COL4A2: variants seen among roughly 807,000 people sequenced by gnomAD.
COL4A2 encodes collagen alpha-2(IV) chain.
In COL4A2, 99 loss-of-function variants were observed where a neutral mutation model predicts 200.2. The ratio of observed to expected loss-of-function variants is 0.49; its 90% confidence interval spans 0.42 to 0.58. The LOEUF (loss-of-function observed/expected upper bound fraction) is 0.58, where lower values mean the gene tolerates loss of function less well. Ranked by LOEUF, COL4A2 falls within the 20% of genes least tolerant of loss-of-function variation. The pLI, the probability that COL4A2 is intolerant of heterozygous loss-of-function variation, is 0.00. For missense variants in COL4A2, 1,950 were observed against 2,314.1 expected (o/e 0.84, Z 3.23); for synonymous variants, 897 against 900.6 (o/e 1.00, Z 0.07).
chr13:110,424,062 G>A (rs545819202), intron 4 of COL4A2, among the ~76,000 whole-genome samples: 25 of 152,218 alleles, frequency 1.6e-4, no homozygotes, highest in African/African-American at 5.3e-4. Flanking sequence ...TGGAATCGTG[G>A]GATCCCGTAG....
intron 4 of COL4A2, among the ~76,000 whole-genome samples, chr13:110,384,555 C>T (rs1878609181): frequency 6.6e-6 from 1 of 152,194 alleles, no homozygotes. Flanking sequence ...TAATATTACT[C>T]CCAATTCCCT....
chr13:110,430,097 C>T, intron 8 of COL4A2, 141 bp downstream of exon 8: 1 of 839,106 alleles, frequency 1.2e-6, no homozygotes. Flanking sequence ...ATCTAAAAGT[C>T]ATCTTACTTC....
At chr13:110,348,389 A>G (rs1005641768) in intron 3 of COL4A2, among the ~76,000 whole-genome samples, 1 of 152,178 alleles carries the variant, frequency 6.6e-6, no homozygotes, top group African/African-American at 2.4e-5. Context: ...TAGAAGAAGG[A>G]TTTGTGCTGG....
intron 40 of COL4A2, among the ~76,000 whole-genome samples, chr13:110,498,264 G>A (rs1392715237): frequency 6.6e-6 from 1 of 152,224 alleles, no homozygotes; most frequent in Non-Finnish European, 1.5e-5. Flanking sequence ...CAGGAGGCCA[G>A]CAATAAATGT....
chr13:110,440,286 G>T (rs1232220108), intron 16 of COL4A2, among the ~76,000 whole-genome samples: 1 of 152,042 alleles, frequency 6.6e-6, no homozygotes, highest in African/African-American at 2.4e-5. Context: ...TTTTTTAGGA[G>T]AAAAATGTTA....
intron 46 of COL4A2, among the ~76,000 whole-genome samples, chr13:110,507,217 C>T (rs878964055): frequency 7.2e-5 from 11 of 152,204 alleles, no homozygotes; most frequent in Admixed American, 5.2e-4. Context: ...TTACATCAGG[C>T]GTTCTGCCCC....
intron 4 of COL4A2, among the ~76,000 whole-genome samples, chr13:110,417,581 A>C (rs1880090980): frequency 6.6e-6 from 1 of 152,158 alleles, no homozygotes; most frequent in Non-Finnish European, 1.5e-5. Flanking sequence ...GAGAAGGTCC[A>C]TTACCCCAGA....
At chr13:110,359,335 T>C (rs1877419709) in intron 4 of COL4A2, among the ~76,000 whole-genome samples, 2 of 152,232 alleles carry the variant, frequency 1.3e-5, no homozygotes, top group South Asian at 4.1e-4. Flanking sequence ...TTTAAAAGTA[T>C]TATTTATATG....
chr13:110,424,999 T>C lies in COL4A2; in HGVS notation c.360+2T>C, dbSNP rs2139454253. ...TTCCCTGGTGCCGATGGAATTCCTG[T>C]AAGTTTTATGGAAGACTGGAATTTT... On this transcript the variant is annotated splice_donor_variant, in intron 6 of 47. Transcript: ENST00000360467. LOFTEE classifies it high-confidence loss of function. The C allele has an allele frequency of 5.6e-6, 9 of 1,614,222 alleles. No homozygotes were observed. The highest frequency in any genetic ancestry group is 7.6e-6 in the Non-Finnish European group (9 of 1,180,032).
intron 41 of COL4A2, among the ~76,000 whole-genome samples, chr13:110,502,388 G>A (rs1016244947): frequency 2.6e-5 from 4 of 152,132 alleles, no homozygotes; most frequent in Admixed American, 1.3e-4. Context: ...GCAGTGGCAC[G>A]ATCTTAGCTC....
rs763322641 is a variant in COL4A2 at position 110,357,551 on chromosome 13, G to A, written c.179G>A (p.Arg60His). ...CAGTGCTACCCTGAGAAAGGTGGAC[G>A]TGTAAGTCACAGCATTGCAATAAAT... is the stretch of plus-strand genomic sequence containing the variant. ...GCQCYPEKGG[R>H]GQPGPVGPQG... The change falls in exon 4 of 48, where the codon CGT (arginine) becomes CAT (histidine). Residue 60 changes from arginine (R) to histidine (H), a missense_variant and splice_region_variant. Around this residue, in one of 2 missense-constraint regions of COL4A2, gnomAD observed 565 missense variants for 593.5 expected, o/e 0.95. Transcript: ENST00000360467. 6 of 1,578,570 alleles carry A rather than the reference G, an allele frequency of 3.8e-6. No homozygotes were observed. Among genetic ancestry groups the A allele is most frequent in the South Asian group, 2.3e-5 (2 of 86,290 alleles).
rs12876517 is a variant in COL4A2, at chr13:110,357,296, G to A, written c.100-176G>A. ...ATCTCTGGACCTTACACTCGATTTT[G>A]CTGTGCACCAAAAACTGCTCTAAAA... On this transcript the variant is annotated intron_variant, in intron 3 of 47. Transcript: ENST00000360467. Among the ~76,000 whole-genome samples the A allele has an allele frequency of 0.53, 79,784 of 151,914 alleles. 22,475 individuals carry two copies. Among genetic ancestry groups the A allele is most frequent in the East Asian group, 0.67 (3,464 of 5,146 alleles).
chr13:110,437,679 GTTC>G (rs1880946408), intron 13 of COL4A2, among the ~76,000 whole-genome samples: 1 of 152,096 alleles, frequency 6.6e-6, no homozygotes, highest in Non-Finnish European at 1.5e-5. Flanking sequence ...CCTTGGGCAC[GTTC>G]TCCCACCATA....
At chr13:110,483,870 A>C (rs938205596) in intron 32 of COL4A2, among the ~76,000 whole-genome samples, 1 of 152,194 alleles carries the variant, frequency 6.6e-6, no homozygotes, top group Non-Finnish European at 1.5e-5. Flanking sequence ...GAGTACACTA[A>C]AGTTATGTAA....
intron 3 of COL4A2, among the ~76,000 whole-genome samples, chr13:110,310,851 G>C (rs1455688621): frequency 1.3e-5 from 2 of 152,200 alleles, no homozygotes; most frequent in Non-Finnish European, 1.5e-5. Flanking sequence ...CAAGCACACT[G>C]ATGAGCTAGG....
At chr13:110,466,898 T>A in intron 26 of COL4A2, 142 bp from the exon 27 acceptor site, 1 of 1,010,288 alleles carries the variant, frequency 9.9e-7, no homozygotes, top group Non-Finnish European at 1.5e-6. Flanking sequence ...AGAACCAAGA[T>A]GAATTAAATC....
intron 3 of COL4A2, among the ~76,000 whole-genome samples, chr13:110,353,087 T>C (rs1364699905): frequency 2.0e-5 from 3 of 152,140 alleles, no homozygotes; most frequent in Non-Finnish European, 4.4e-5. Flanking sequence ...GAGAAATTAA[T>C]GGAGGATTGA....
At chr13:110,493,865 A>G (rs936908059) in intron 39 of COL4A2, among the ~76,000 whole-genome samples, 1 of 151,886 alleles carries the variant, frequency 6.6e-6, no homozygotes, top group African/African-American at 2.4e-5. Flanking sequence ...CACGAGGGAG[A>G]GCACCCGCTC....
chr13:110,497,357 G>A lies in COL4A2; in HGVS notation c.3760+1890G>A, dbSNP rs148272801. ...AGTACACCAGCACAGCTTCAGCCAG[G>A]ATTGAGGGTCTAGGGTCAGTCCACC... On this transcript the variant is annotated intron_variant, in intron 40 of 47. Coordinates refer to ENST00000360467, the MANE Select transcript of COL4A2 (RefSeq NM_001846.4). Among the ~76,000 whole-genome samples, 828 of 151,740 alleles carry A rather than the reference G, an allele frequency of 5.5e-3. 4 individuals carry two copies. Among genetic ancestry groups the A allele is most frequent in the Non-Finnish European group, 8.4e-3 (571 of 67,926 alleles).
Sources: allele counts gnomAD v4.1 joint callset (sites outside exome capture counted in the v4.1 genomes callset), GRCh38; gene constraint gnomAD v4.1.1; regional missense constraint gnomAD v4.1.1; transcripts MANE v1.5; gene names NCBI Gene and HGNC (gene_info 2026-07-23, HGNC 2026-07-21).